Variants in CSMD3 observed in about 807,000 individuals in gnomAD.
The protein encoded by CSMD3 is CUB and Sushi multiple domains 3.
In CSMD3, 177 loss-of-function variants were observed where a neutral mutation model predicts 435.2. The observed-to-expected ratio is 0.41, with a 90% CI of 0.36 to 0.46. The LOEUF (loss-of-function observed/expected upper bound fraction) is 0.46, where lower values mean the gene tolerates loss of function less well. Ranked by LOEUF, CSMD3 falls within the 20% of genes least tolerant of loss-of-function variation. The pLI is 0.34. For missense variants in CSMD3, 4,265 were observed against 4,504.6 expected (o/e 0.95, Z 1.52); for synonymous variants, 1,656 against 1,520.5 (o/e 1.09, Z -2.07).
chr8:112,988,098 T>G (rs1464941910), intron 6 of CSMD3, among the ~76,000 whole-genome samples: 1 of 151,922 alleles, frequency 6.6e-6, no homozygotes, highest in African/African-American at 2.4e-5. Context: ...AAAATATGGG[T>G]TTGGACAATG....
intron 1 of CSMD3, among the ~76,000 whole-genome samples, chr8:113,372,940 CA>C (rs34032302): frequency 3.6e-4 from 45 of 125,436 alleles, no homozygotes; most frequent in Middle Eastern, 4.0e-3. Flanking sequence ...GACTCCGTCT[CA>C]AAAAAAAAAA....
At chr8:112,962,210 CTTTT>C (rs1488663611) in intron 7 of CSMD3, among the ~76,000 whole-genome samples, 2 of 149,848 alleles carry the variant, frequency 1.3e-5, no homozygotes, top group Non-Finnish European at 3.0e-5. Flanking sequence ...ATTTTCTTTT[CTTTT>C]GTTTTGTTTC....
chr8:113,213,448 C>T (rs2092863541), intron 3 of CSMD3, among the ~76,000 whole-genome samples: 1 of 151,962 alleles, frequency 6.6e-6, no homozygotes, highest in East Asian at 1.9e-4. Context: ...ACACTGTTAC[C>T]TTTGCCACAG....
chr8:113,331,942 G>GA (rs1485781269), intron 1 of CSMD3, among the ~76,000 whole-genome samples: 2 of 151,298 alleles, frequency 1.3e-5, no homozygotes, highest in Non-Finnish European at 3.0e-5. Flanking sequence ...AATTAGATAA[G>GA]AAAAAAATAA....
At chr8:112,287,850 A>G (rs550159738) in intron 57 of CSMD3, among the ~76,000 whole-genome samples, 56 of 152,252 alleles carry the variant, frequency 3.7e-4, no homozygotes, top group African/African-American at 1.3e-3. Context: ...ACCAAAATTT[A>G]GAAACTCTGA....
intron 5 of CSMD3, among the ~76,000 whole-genome samples, chr8:113,076,311 C>T (rs1042820618): frequency 2.0e-5 from 3 of 151,726 alleles, no homozygotes; most frequent in Non-Finnish European, 4.4e-5. Flanking sequence ...ACATCTTTTG[C>T]TGCCACTGTC....
chr8:112,440,348 G>A (rs572941872), intron 32 of CSMD3, among the ~76,000 whole-genome samples: 1 of 152,178 alleles, frequency 6.6e-6, no homozygotes, highest in East Asian at 1.9e-4. Flanking sequence ...CATATCCCTG[G>A]GCAGCTCTGC....
intron 42 of CSMD3, 42 bp downstream of exon 42, chr8:112,341,435 T>G: frequency 8.3e-7 from 1 of 1,204,670 alleles, no homozygotes; most frequent in Non-Finnish European, 1.2e-6. Flanking sequence ...TAATAGCTGA[T>G]TTGGGGTTAT....
At chr8:113,151,862 A>G (rs1309286306) in intron 4 of CSMD3, among the ~76,000 whole-genome samples, 3 of 152,022 alleles carry the variant, frequency 2.0e-5, no homozygotes, top group Non-Finnish European at 4.4e-5. Context: ...CGGTTTTGTC[A>G]AAATATAACA....
intron 1 of CSMD3, among the ~76,000 whole-genome samples, chr8:113,396,340 A>G (rs1300283747): frequency 6.6e-6 from 1 of 152,186 alleles, no homozygotes; most frequent in Non-Finnish European, 1.5e-5. Flanking sequence ...TAACCACTTC[A>G]GTTAGTATTT....
chr8:113,393,643 C>T (rs537868046), intron 1 of CSMD3, among the ~76,000 whole-genome samples: 3 of 151,964 alleles, frequency 2.0e-5, no homozygotes, highest in African/African-American at 4.8e-5. Context: ...CTAGTTTCAC[C>T]GGTGGTACAA....
chr8:112,644,014 T>G (rs900149977), intron 20 of CSMD3, among the ~76,000 whole-genome samples: 1 of 151,712 alleles, frequency 6.6e-6, no homozygotes, highest in South Asian at 2.1e-4. Context: ...AGATTTTCTA[T>G]ATTAAAATCA....
At chr8:112,969,009 A>C (rs907545156) in intron 7 of CSMD3, among the ~76,000 whole-genome samples, 15 of 151,966 alleles carry the variant, frequency 9.9e-5, no homozygotes, top group African/African-American at 3.4e-4. Flanking sequence ...TTTAAAATAT[A>C]TTTTATGCAT....
chr8:112,849,131 A>G (rs963385130), intron 11 of CSMD3, among the ~76,000 whole-genome samples: 1 of 152,082 alleles, frequency 6.6e-6, no homozygotes, highest in African/African-American at 2.4e-5. Flanking sequence ...TAAGCTAGCG[A>G]GAGTTATAAT....
intron 3 of CSMD3, among the ~76,000 whole-genome samples, chr8:113,214,537 T>C (rs1011492572): frequency 2.6e-4 from 39 of 151,958 alleles, no homozygotes; most frequent in Admixed American, 2.5e-3. Flanking sequence ...GAGTTATCTG[T>C]CTTCCAATCA....
intron 4 of CSMD3, among the ~76,000 whole-genome samples, chr8:113,142,343 T>C (rs2091568727): frequency 6.6e-6 from 1 of 151,324 alleles, no homozygotes; most frequent in Non-Finnish European, 1.5e-5. Flanking sequence ...ATTAAATGGA[T>C]GAATTGTTCT....
chr8:113,107,093 T>A (rs1337641559), intron 4 of CSMD3, among the ~76,000 whole-genome samples: 2 of 152,170 alleles, frequency 1.3e-5, no homozygotes, highest in Non-Finnish European at 1.5e-5. Context: ...TCTATAGATT[T>A]GCCTATTCTG....
intron 13 of CSMD3, among the ~76,000 whole-genome samples, chr8:112,741,659 G>T (rs2132056586): frequency 6.6e-6 from 1 of 151,820 alleles, no homozygotes; most frequent in South Asian, 2.1e-4. Flanking sequence ...TAAAAATTAT[G>T]TTGACAAGAT....
chr8:112,538,217 C>T (rs554367642), intron 27 of CSMD3, among the ~76,000 whole-genome samples: 87 of 152,068 alleles, frequency 5.7e-4, no homozygotes, highest in African/African-American at 1.9e-3. Context: ...AGGCCATATA[C>T]AACAAACCCA....
Sources: allele counts gnomAD v4.1 joint callset (sites outside exome capture counted in the v4.1 genomes callset), GRCh38; gene constraint gnomAD v4.1.1; transcripts MANE v1.5; gene names NCBI Gene and HGNC (gene_info 2026-07-23, HGNC 2026-07-21).